CDK5RAP3: variants seen among roughly 807,000 people sequenced by gnomAD.
The protein encoded by CDK5RAP3 is CDK5 regulatory subunit associated protein 3.
In CDK5RAP3, 58 loss-of-function variants were observed where a neutral mutation model predicts 73.3. The observed-to-expected ratio is 0.79, with a 90% CI of 0.64 to 0.98. The LOEUF is 0.98. Ranked by LOEUF, CDK5RAP3 falls within the 50% of genes least tolerant of loss-of-function variation. CDK5RAP3 has a pLI of 0.00. For synonymous variants in CDK5RAP3, 224 were observed against 247.5 expected (o/e 0.91, Z 0.89); for missense variants, 525 against 615.8 (o/e 0.85, Z 1.56).
intron 11 of CDK5RAP3, chr17:47,979,536 T>C (rs1305429993): frequency 6.5e-6 from 1 of 152,718 alleles, no homozygotes; most frequent in African/African-American, 2.4e-5. Flanking sequence ...CTCAGAGATG[T>C]AGCGTCTGAA....
rs1194170030 is a variant in CDK5RAP3 at position 47,973,516 on chromosome 17, T to C, written c.53-3T>C. Reference sequence around the variant, plus strand: ...TGCTCTAATTTGGGTGCTTCTCATGTAGATTGGCTGGTGGACAGAAGGCAC... The same window carrying C: ...TGCTCTAATTTGGGTGCTTCTCATGCAGATTGGCTGGTGGACAGAAGGCAC... On this transcript the variant is annotated splice_polypyrimidine_tract_variant and splice_region_variant and intron_variant, in intron 2 of 13. Coordinates refer to ENST00000338399, the MANE Select transcript of CDK5RAP3 (RefSeq NM_176096.3). 1 of 1,613,604 alleles carries C rather than the reference T, an allele frequency of 6.2e-7. No individual in the cohort carries two copies. The highest frequency in any genetic ancestry group is 8.5e-7 in the Non-Finnish European group (1 of 1,179,618).
At chr17:47,978,971 C>A in intron 11 of CDK5RAP3, 54 bp downstream of exon 11, 2 of 1,411,564 alleles carry the variant, frequency 1.4e-6, no homozygotes, top group Non-Finnish European at 2.0e-6. Context: ...GCACAGGTGG[C>A]TTCACTCCAG....
At chr17:47,980,103 G>A (rs1185727935) in intron 11 of CDK5RAP3, 1 of 161,242 alleles carries the variant, frequency 6.2e-6, no homozygotes, top group Non-Finnish European at 1.4e-5. Context: ...GGATGAGATA[G>A]GAGGTGGGGA....
rs753341784 is a variant in CDK5RAP3, at chr17:47,981,557, G to A, written c.*55G>A. 1 of 1,614,032 alleles carries A rather than the reference G, an allele frequency of 6.2e-7. No individual in the cohort carries two copies. The highest frequency in any genetic ancestry group is 1.1e-5 in the South Asian group (1 of 91,072). ...CTCCGCTTTTGGGATGAAGATGATA[G>A]CCAGGGCTGTTGTTTTGGGGCCCTT... On this transcript the variant is annotated 3_prime_UTR_variant, in exon 14 of 14. Coordinates refer to ENST00000338399, the MANE Select transcript of CDK5RAP3 (RefSeq NM_176096.3).
chr17:47,970,578 C>A, upstream of CDK5RAP3: 2 of 1,244,674 alleles, frequency 1.6e-6, no homozygotes, highest in South Asian at 1.3e-5. Context: ...TCTCTTCCTT[C>A]CCCTTCCCTG....
At chr17:47,973,868 G>A in intron 3 of CDK5RAP3, 63 bp from the exon 4 acceptor site, 1 of 1,332,872 alleles carries the variant, frequency 7.5e-7, no homozygotes, top group Non-Finnish European at 1.1e-6. Flanking sequence ...TCAGCCACCT[G>A]CAGTGCCCAG....
intron 11 of CDK5RAP3, chr17:47,980,290 A>T (rs902458311): frequency 2.5e-5 from 7 of 278,762 alleles, no homozygotes; most frequent in African/African-American, 8.8e-5. Flanking sequence ...CTTTTTTTTT[A>T]AAAAGAGTTT....
intron 10 of CDK5RAP3, 144 bp downstream of exon 10, chr17:47,978,054 G>C (rs1166703861): frequency 2.0e-6 from 1 of 507,708 alleles, no homozygotes; most frequent in Non-Finnish European, 3.4e-6. Context: ...TGTGAGCTGA[G>C]GGGGACCAAG....
intron 11 of CDK5RAP3, chr17:47,979,921 T>C (rs2036513417): frequency 6.6e-6 from 1 of 152,426 alleles, no homozygotes; most frequent in South Asian, 2.1e-4. Flanking sequence ...TGTATTCTTT[T>C]CAGCCTTGCC....
upstream of CDK5RAP3, chr17:47,970,750 C>T: frequency 6.6e-7 from 1 of 1,524,872 alleles, no homozygotes; most frequent in Non-Finnish European, 8.8e-7. Flanking sequence ...CCCAGATCGG[C>T]GCTAGGACCC....
At chr17:47,976,898 C>A (rs2525087) in intron 9 of CDK5RAP3, 76 bp downstream of exon 9, 699,166 of 954,032 alleles carry the variant, frequency 0.73, 257,386 homozygotes, top group East Asian at 0.78. Flanking sequence ...GTGTCTGTAA[C>A]GGCATCACTT....
At chr17:47,968,389 A>G (rs2036210834), upstream of CDK5RAP3, among the ~76,000 whole-genome samples, 1 of 152,148 alleles carries the variant, frequency 6.6e-6, no homozygotes, top group African/African-American at 2.4e-5. Context: ...ATCTGGGCTC[A>G]TTGCAACCTC....
chr17:47,971,067 G>C (rs564518342), upstream of CDK5RAP3: 398 of 1,550,454 alleles, frequency 2.6e-4, no homozygotes, highest in Non-Finnish European at 3.4e-4. Context: ...TCTAAACGGA[G>C]GCTCGGCCAC....
upstream of CDK5RAP3, chr17:47,970,862 C>T (rs1486232598): frequency 3.5e-6 from 5 of 1,415,002 alleles, no homozygotes; most frequent in Admixed American, 2.3e-5. Context: ...AATCCCACGG[C>T]CGCTGCAGCG....
chr17:47,974,128 C>T (rs1452359378), intron 4 of CDK5RAP3, 97 bp downstream of exon 4: 5 of 846,218 alleles, frequency 5.9e-6, no homozygotes, highest in African/African-American at 1.7e-5. Context: ...GTGGGGATGC[C>T]TACATAGAAT....
In CDK5RAP3 at chr17:47,971,422, C is replaced by T. The variant is rs770399442; in HGVS notation, c.52+15C>T. The T allele has an allele frequency of 1.4e-5, 23 of 1,593,696 alleles. 1 individual carries two copies. The South Asian group carries it at 2.5e-4, about 17-fold the overall frequency. On this transcript the variant is annotated intron_variant, in intron 2 of 13. Transcript: ENST00000338399. ...CAAGCTGCTCGGTAGGAGGGGGCGCCACCGCGCAGCTGGCTGTCGGGGGGA... is the reference window on the plus strand; with the variant it reads ...CAAGCTGCTCGGTAGGAGGGGGCGCTACCGCGCAGCTGGCTGTCGGGGGGA...
In CDK5RAP3 at chr17:47,980,610, C is replaced by A. The variant is rs753164320; in HGVS notation, c.1095C>A (p.Ala365=). The change falls in exon 12 of 14, where the codon GCC becomes GCA. Residue 365 remains alanine, a synonymous_variant. Transcript: ENST00000338399. ...DELMELEIFL[A]QRAVELSEEA... is the part of the protein sequence containing the mutation. ...GTCCTCAGCTTGAGATCTTCTTAGC[C>A]CAGAGAGCAGTGGAGTTGAGTGAGG... The A allele has an allele frequency of 6.2e-7, 1 of 1,612,972 alleles. No individual in the cohort carries two copies. Among genetic ancestry groups the A allele is most frequent in the Non-Finnish European group, 8.5e-7 (1 of 1,179,998 alleles).
chr17:47,970,799 T>C (rs2597168), upstream of CDK5RAP3: 1,043,871 of 1,457,608 alleles, frequency 0.72, 376,981 homozygotes, highest in East Asian at 0.78. Context: ...GAAGACCCAG[T>C]GCCCGCCAGG....
intron 12 of CDK5RAP3, 40 bp from the exon 13 acceptor site, chr17:47,981,123 T>G (rs374229452): frequency 8.3e-5 from 131 of 1,584,890 alleles, no homozygotes; most frequent in Non-Finnish European, 1.1e-4. Context: ...ATGCTCAGGA[T>G]GCACAGCTAA....
Sources: gnomAD v4.1 joint callset for allele counts (sites outside exome capture counted in the v4.1 genomes callset) on GRCh38, gnomAD v4.1.1 for gene constraint, MANE v1.5 for transcripts, NCBI Gene and HGNC (gene_info 2026-07-23, HGNC 2026-07-21) for gene names.